SLC5A4: variants seen among roughly 807,000 people sequenced by gnomAD.
The protein encoded by SLC5A4 is probable glucose sensor protein SLC5A4.
A neutral mutation model predicts 70.3 loss-of-function variants in SLC5A4; 55 were observed. The observed-to-expected ratio is 0.78, with a 90% confidence interval of 0.63 to 0.98. SLC5A4 has a LOEUF of 0.98. Among genes scored for constraint, SLC5A4 ranks in the 50% least tolerant of loss-of-function variants. The pLI, the probability that SLC5A4 is intolerant of heterozygous loss-of-function variation, is 0.00. For missense variants in SLC5A4, 735 were observed against 839.2 expected, an observed-to-expected ratio of 0.88 and a Z score of 1.53; for synonymous variants, 268 against 305.7, an observed-to-expected ratio of 0.88 and a Z score of 1.29.
the SLC5A4 span, among the ~76,000 whole-genome samples, chr22:32,332,034 C>T: frequency 2.6e-5 from 4 of 152,244 alleles, no homozygotes; most frequent in Admixed American, 6.5e-5. Flanking sequence ...CTTCTCAGCC[C>T]CCACCCCAGG....
At chr22:32,348,168 T>TTTTTCCA in the SLC5A4 span, among the ~76,000 whole-genome samples, 25 of 152,092 alleles carry the variant, frequency 1.6e-4, no homozygotes, top group African/African-American at 6.0e-4. Flanking sequence ...GGTGTCCCGT[T>TTTTTCCA]TTTTCCAGGA....
In SLC5A4 at chr22:32,237,247, A is replaced by T; in HGVS notation, c.661T>A (p.Phe221Ile). The stretch of plus-strand genomic sequence containing the variant: ...TGCACGCAGGGTCATCACTTACCAA[A>T]CCCCATGAGAATAAAAGAGCCAATC... ...MLIGSFILMGFAFNEVGGYES... is the reference protein window; with the variant it reads ...MLIGSFILMGIAFNEVGGYES... Residue 221 changes from phenylalanine to isoleucine, a missense_variant, in exon 7 of 15, where the codon TTT (phenylalanine) becomes ATT (isoleucine). Coordinates refer to ENST00000266086, the MANE Select transcript of SLC5A4 (RefSeq NM_014227.3). 6.2e-7 allele frequency: 1 copy of T among 1,607,170 alleles called. No individual in the cohort carries two copies. The highest frequency in any genetic ancestry group is 8.5e-7 in the Non-Finnish European group (1 of 1,176,150).
At chr22:32,300,986 GGAA>G in the SLC5A4 span, among the ~76,000 whole-genome samples, 1 of 152,026 alleles carries the variant, frequency 6.6e-6, no homozygotes, top group South Asian at 2.1e-4. Flanking sequence ...TTTTTGAGAC[GGAA>G]TCTTGCTCTG....
At chr22:32,292,239 T>C in the SLC5A4 span, among the ~76,000 whole-genome samples, 1 of 77,786 alleles carries the variant, frequency 1.3e-5, no homozygotes, top group African/African-American at 5.1e-5. Flanking sequence ...ATATTATATA[T>C]ATAATATATA....
chr22:32,252,246 A>AG (rs398036907), intron 2 of SLC5A4, among the ~76,000 whole-genome samples: 9 of 151,770 alleles, frequency 5.9e-5, no homozygotes, highest in African/African-American at 2.2e-4. Context: ...AAAAAAAAAA[A>AG]GAAAATAGAC....
intron 14 of SLC5A4, among the ~76,000 whole-genome samples, chr22:32,219,630 CAAAAAAAA>C: frequency 3.1e-4 from 9 of 28,882 alleles, no homozygotes; most frequent in Admixed American, 4.4e-4. Context: ...TCCAACTTAG[CAAAAAAAA>C]AAAAAAAAAA....
chr22:32,301,340 T>C, the SLC5A4 span, among the ~76,000 whole-genome samples: 1 of 152,216 alleles, frequency 6.6e-6, no homozygotes, highest in Non-Finnish European at 1.5e-5. Flanking sequence ...AGCAAGGTTT[T>C]TTATTTTTGC....
intron 5 of SLC5A4, among the ~76,000 whole-genome samples, chr22:32,246,275 A>T (rs1375048135): frequency 6.6e-6 from 1 of 152,194 alleles, no homozygotes; most frequent in Non-Finnish European, 1.5e-5. Context: ...GGGAAGGCTC[A>T]TGCCATCTAA....
the SLC5A4 span, among the ~76,000 whole-genome samples, chr22:32,345,936 TCTTC>T: frequency 6.6e-6 from 1 of 152,214 alleles, no homozygotes; most frequent in Non-Finnish European, 1.5e-5. Context: ...CAACAAGAGT[TCTTC>T]CTTTTCTCCA....
chr22:32,255,145 C>T (rs1927403703), intron 1 of SLC5A4, 50 bp downstream of exon 1: 3 of 1,556,478 alleles, frequency 1.9e-6, no homozygotes, highest in South Asian at 1.1e-5. Flanking sequence ...CTTAAGATAC[C>T]CCCTCCTAAA....
chr22:32,317,144 C>A, the SLC5A4 span, among the ~76,000 whole-genome samples: 1 of 151,826 alleles, frequency 6.6e-6, no homozygotes, highest in African/African-American at 2.4e-5. Flanking sequence ...AACTTTGCCA[C>A]CAAGAAGTCT....
chr22:32,341,829 T>TA, the SLC5A4 span, among the ~76,000 whole-genome samples: 1 of 152,230 alleles, frequency 6.6e-6, no homozygotes, highest in Non-Finnish European at 1.5e-5. Flanking sequence ...ATGCCCTTTT[T>TA]ACATTTCACT....
the SLC5A4 span, among the ~76,000 whole-genome samples, chr22:32,314,066 G>A: frequency 6.6e-6 from 1 of 152,160 alleles, no homozygotes; most frequent in African/African-American, 2.4e-5. Context: ...CTCCGACAAA[G>A]CCAGCAAAGC....
At chr22:32,278,711 A>T in the SLC5A4 span, among the ~76,000 whole-genome samples, 1 of 152,358 alleles carries the variant, frequency 6.6e-6, no homozygotes, top group East Asian at 1.9e-4. Context: ...GCAACAAAAA[A>T]TAAAAGTCCT....
intron 7 of SLC5A4, among the ~76,000 whole-genome samples, chr22:32,236,566 C>T (rs1486014018): frequency 6.6e-6 from 1 of 152,108 alleles, no homozygotes; most frequent in East Asian, 1.9e-4. Flanking sequence ...CTATTTAATC[C>T]TTCATTTCAT....
chr22:32,255,889 T>C (rs1005718858), upstream of SLC5A4, among the ~76,000 whole-genome samples: 1 of 152,032 alleles, frequency 6.6e-6, no homozygotes, highest in Non-Finnish European at 1.5e-5. Flanking sequence ...TCAAGCACCA[T>C]ATGTGGTGAG....
the SLC5A4 span, among the ~76,000 whole-genome samples, chr22:32,352,398 C>T: frequency 6.8e-6 from 1 of 147,680 alleles, no homozygotes; most frequent in African/African-American, 2.6e-5. Context: ...GCTCATGTAC[C>T]CCAGAAATTA....
chr22:32,354,417 C>G, the SLC5A4 span, among the ~76,000 whole-genome samples: 3 of 151,578 alleles, frequency 2.0e-5, no homozygotes, highest in Admixed American at 1.3e-4. Context: ...ATGGATAATG[C>G]CCCCAGCCAG....
chr22:32,235,101 G>T lies in SLC5A4; in HGVS notation c.665-8C>A. 6.3e-7 allele frequency: 1 copy of T among 1,596,196 alleles called. No homozygotes were observed. Among genetic ancestry groups the T allele is most frequent in the Non-Finnish European group, 8.6e-7 (1 of 1,164,902 alleles). ...CTCCAACTTCGTTAAATGCTAAAAAGGCATCAGAGTAAAATGAGATGTCTT... is the reference window on the plus strand; with the variant it reads ...CTCCAACTTCGTTAAATGCTAAAAATGCATCAGAGTAAAATGAGATGTCTT... On this transcript the variant is annotated splice_region_variant and splice_polypyrimidine_tract_variant and intron_variant, in intron 7 of 14. Transcript: ENST00000266086.
Sources: allele counts gnomAD v4.1 joint callset (sites outside exome capture counted in the v4.1 genomes callset), GRCh38; gene constraint gnomAD v4.1.1; transcripts MANE v1.5; gene names NCBI Gene and HGNC (gene_info 2026-07-23, HGNC 2026-07-21).